Variants in MITF observed in about 807,000 individuals in gnomAD.
The protein encoded by MITF is melanocyte inducing transcription factor.
MITF carries 17 observed loss-of-function variants against 60.5 expected under a neutral mutation model. That is an observed-to-expected ratio of 0.28 (90% CI 0.19 to 0.42). The LOEUF is 0.42. Ranked by LOEUF, MITF falls within the 10% of genes least tolerant of loss-of-function variation. The pLI is 1.00. For missense variants in MITF, 622 were observed against 683.5 expected (o/e 0.91, Z 1.00); for synonymous variants, 260 against 248.5 (o/e 1.05, Z -0.43).
intron 2 of MITF, among the ~76,000 whole-genome samples, chr3:69,937,466 A>G (rs1480228168): frequency 2.6e-5 from 4 of 152,022 alleles, no homozygotes; most frequent in Admixed American, 2.0e-4. Flanking sequence ...TGCCACTTCT[A>G]CATTGTTGTT....
intron 1 of MITF, among the ~76,000 whole-genome samples, chr3:69,869,780 C>T (rs1322058383): frequency 6.6e-6 from 1 of 152,080 alleles, no homozygotes; most frequent in Non-Finnish European, 1.5e-5. Flanking sequence ...TTGTCATAAA[C>T]AAAAGGAACC....
At chr3:69,760,005 C>T (rs2062188273) in intron 1 of MITF, among the ~76,000 whole-genome samples, 1 of 152,176 alleles carries the variant, frequency 6.6e-6, no homozygotes, top group South Asian at 2.1e-4. Context: ...GTCTCGATCT[C>T]CTGACCTCGT....
At chr3:69,853,337 A>G (rs748373758) in intron 1 of MITF, among the ~76,000 whole-genome samples, 1 of 152,228 alleles carries the variant, frequency 6.6e-6, no homozygotes, top group Non-Finnish European at 1.5e-5. Flanking sequence ...CAATTATGCC[A>G]AAATTCACTA....
chr3:69,891,046 CTG>C (rs2064748661), intron 2 of MITF, among the ~76,000 whole-genome samples: 1 of 152,114 alleles, frequency 6.6e-6, no homozygotes, highest in Non-Finnish European at 1.5e-5. Flanking sequence ...TTTTCTGAGT[CTG>C]TATTAATCTC....
chr3:69,943,982 T>G, intron 5 of MITF, among the ~76,000 whole-genome samples: 1 of 152,034 alleles, frequency 6.6e-6, no homozygotes, highest in Admixed American at 6.6e-5. Context: ...TAGTCCTAGC[T>G]ACTCAGGAGG....
intron 1 of MITF, among the ~76,000 whole-genome samples, chr3:69,875,336 T>C (rs938953831): frequency 6.6e-6 from 1 of 152,212 alleles, no homozygotes; most frequent in African/African-American, 2.4e-5. Flanking sequence ...CACCTTCCCA[T>C]GTGGGACTTG....
At chr3:69,765,490 A>G (rs979087648) in intron 1 of MITF, among the ~76,000 whole-genome samples, 1 of 152,060 alleles carries the variant, frequency 6.6e-6, no homozygotes, top group African/African-American at 2.4e-5. Context: ...TTTTTTTTTG[A>G]CAAAATTGTT....
At chr3:69,839,812 G>A (rs1041612739) in intron 1 of MITF, among the ~76,000 whole-genome samples, 1 of 151,514 alleles carries the variant, frequency 6.6e-6, no homozygotes, top group Admixed American at 6.6e-5. Context: ...GTTCACATTA[G>A]GACCTTTAAA....
intron 1 of MITF, among the ~76,000 whole-genome samples, chr3:69,790,283 A>G (rs914535424): frequency 1.3e-5 from 2 of 152,214 alleles, no homozygotes; most frequent in South Asian, 2.1e-4. Context: ...AGAGGAGTCA[A>G]ACTCATAGAG....
intron 2 of MITF, among the ~76,000 whole-genome samples, chr3:69,928,893 A>G (rs1471250123): frequency 6.6e-6 from 1 of 152,048 alleles, no homozygotes; most frequent in South Asian, 2.1e-4. Flanking sequence ...GTCATTTGAG[A>G]CCCACAGGGC....
In MITF at chr3:69,775,840, G is replaced by A. The variant is rs559086568; in HGVS notation, c.104+36139G>A. Among the ~76,000 whole-genome samples, 3 of 152,252 alleles carry A rather than the reference G, an allele frequency of 2.0e-5. No individual in the cohort carries two copies. The South Asian group carries it at 6.2e-4, about 32-fold the overall frequency. On this transcript the variant is annotated intron_variant, in intron 1 of 9. Transcript: ENST00000352241. ...TACTGTGTGTAAAAAAGAAAAGCAG[G>A]AACAGTGGACTTTCTTTATTTCTAA...
At chr3:69,816,857 C>T (rs2107025458) in intron 1 of MITF, among the ~76,000 whole-genome samples, 1 of 152,226 alleles carries the variant, frequency 6.6e-6, no homozygotes, top group South Asian at 2.1e-4. Context: ...TCTGTATTTT[C>T]ACTATAAGTG....
At chr3:69,877,206 C>T (rs2064374874) in intron 1 of MITF, among the ~76,000 whole-genome samples, 1 of 152,074 alleles carries the variant, frequency 6.6e-6, no homozygotes, top group Non-Finnish European at 1.5e-5. Flanking sequence ...TAACCATTCT[C>T]ATAGTATGGG....
chr3:69,756,636 T>C (rs1441850299), intron 1 of MITF, among the ~76,000 whole-genome samples: 1 of 152,212 alleles, frequency 6.6e-6, no homozygotes, highest in Non-Finnish European at 1.5e-5. Flanking sequence ...TTATAATCCT[T>C]TGGGTATATA....
At chr3:69,903,774 C>T (rs557307515) in intron 2 of MITF, among the ~76,000 whole-genome samples, 1 of 152,244 alleles carries the variant, frequency 6.6e-6, no homozygotes, top group East Asian at 1.9e-4. Flanking sequence ...TCTGACTCTG[C>T]GTCAGCATGG....
chr3:69,858,024 G>T (rs895695781), intron 1 of MITF, among the ~76,000 whole-genome samples: 3 of 152,064 alleles, frequency 2.0e-5, no homozygotes, highest in Admixed American at 2.0e-4. Context: ...ATGTTAAGGG[G>T]AGAATTTAGT....
intron 1 of MITF, among the ~76,000 whole-genome samples, chr3:69,774,227 C>T (rs1017681758): frequency 4.6e-5 from 7 of 152,166 alleles, no homozygotes; most frequent in Admixed American, 4.6e-4. Context: ...CTTCTACAGC[C>T]CTGAGCAATT....
At chr3:69,959,165 T>TAA in intron 8 of MITF, 108 bp from the exon 9 acceptor site, 2 of 1,329,538 alleles carry the variant, frequency 1.5e-6, no homozygotes, top group Non-Finnish European at 2.1e-6. Context: ...ACTATTGAAA[T>TAA]AAAAAAAAAT....
chr3:69,912,103 G>T (rs1418449912), intron 2 of MITF, among the ~76,000 whole-genome samples: 1 of 152,206 alleles, frequency 6.6e-6, no homozygotes, highest in African/African-American at 2.4e-5. Flanking sequence ...ATAGATCTCA[G>T]AAACTAAATA....
Sources: gnomAD v4.1 joint callset for allele counts (sites outside exome capture counted in the v4.1 genomes callset) on GRCh38, gnomAD v4.1.1 for gene constraint, MANE v1.5 for transcripts, NCBI Gene and HGNC (gene_info 2026-07-23, HGNC 2026-07-21) for gene names.